The following CNTN5 variants were observed in gnomAD, a reference collection of about 807,000 sequenced individuals.
The protein encoded by CNTN5 is contactin 5.
A neutral mutation model predicts 129.1 loss-of-function variants in CNTN5; 77 were observed. The observed-to-expected ratio is 0.60, with a 90% CI of 0.50 to 0.72. The LOEUF (loss-of-function observed/expected upper bound fraction) is 0.72, where lower values mean the gene tolerates loss of function less well. Among genes scored for constraint, CNTN5 ranks in the 30% least tolerant of loss-of-function variants. The probability of loss-of-function intolerance (pLI) is 0.00; values close to 1 mark genes in which losing one functional copy is unlikely to be tolerated. For synonymous variants in CNTN5, 509 were observed against 465.6 expected, an observed-to-expected ratio of 1.09 and a Z score of -1.20; for missense variants, 1,478 against 1,328.8, an observed-to-expected ratio of 1.11 and a Z score of -1.75.
intron 8 of CNTN5, 68 bp downstream of exon 8, chr11:99,957,077 TG>T: frequency 8.2e-6 from 11 of 1,344,848 alleles, no homozygotes; most frequent in Non-Finnish European, 5.1e-6. Flanking sequence ...TATTAGTGTG[TG>T]TTTTTTTTTT....
At chr11:99,721,946 C>T (rs781562964) in intron 3 of CNTN5, among the ~76,000 whole-genome samples, 9 of 152,108 alleles carry the variant, frequency 5.9e-5, no homozygotes, top group African/African-American at 9.7e-5. Flanking sequence ...TAGCATCTCG[C>T]ACCTGTCAGA....
intron 1 of CNTN5, among the ~76,000 whole-genome samples, chr11:99,227,386 T>G (rs1860749536): frequency 6.6e-6 from 1 of 151,126 alleles, no homozygotes; most frequent in Non-Finnish European, 1.5e-5. Flanking sequence ...AGAAAAATTA[T>G]GATAAGCCTA....
intron 9 of CNTN5, among the ~76,000 whole-genome samples, chr11:100,012,861 T>C (rs1262038924): frequency 6.6e-6 from 1 of 152,164 alleles, no homozygotes; most frequent in Non-Finnish European, 1.5e-5. Context: ...AGATTTTTAC[T>C]TGGATTAGTT....
chr11:99,304,118 C>T (rs113155696), intron 1 of CNTN5, among the ~76,000 whole-genome samples: 44 of 152,186 alleles, frequency 2.9e-4, no homozygotes, highest in African/African-American at 8.2e-4. Flanking sequence ...GAATAAATGA[C>T]GAGAGCAAAG....
intron 13 of CNTN5, among the ~76,000 whole-genome samples, chr11:100,087,079 A>G (rs78295714): frequency 0.029 from 4,375 of 151,828 alleles, 137 homozygotes; most frequent in African/African-American, 0.072. Context: ...AAATATTGAT[A>G]CTTTCAGAGG....
intron 13 of CNTN5, among the ~76,000 whole-genome samples, chr11:100,081,525 C>G (rs926675350): frequency 6.6e-6 from 1 of 152,110 alleles, no homozygotes; most frequent in African/African-American, 2.4e-5. Context: ...TGTCCGTATT[C>G]CACCCCATCT....
intron 9 of CNTN5, among the ~76,000 whole-genome samples, chr11:100,016,256 T>G (rs2137543062): frequency 6.6e-6 from 1 of 152,228 alleles, no homozygotes; most frequent in African/African-American, 2.4e-5. Context: ...AAGGCTGTTA[T>G]CTGAATTACA....
intron 17 of CNTN5, among the ~76,000 whole-genome samples, chr11:100,270,121 G>T (rs956898750): frequency 1.3e-5 from 2 of 152,040 alleles, no homozygotes; most frequent in Non-Finnish European, 2.9e-5. Flanking sequence ...CATCAGCCCT[G>T]CAGTGCTGTG....
intron 8 of CNTN5, among the ~76,000 whole-genome samples, chr11:99,970,395 A>G (rs1315147769): frequency 1.3e-5 from 2 of 152,210 alleles, no homozygotes; most frequent in African/African-American, 2.4e-5. Flanking sequence ...ACTACAATCT[A>G]TTTGCCTAAT....
chr11:99,658,182 G>A (rs576720742), intron 3 of CNTN5, among the ~76,000 whole-genome samples: 4 of 152,134 alleles, frequency 2.6e-5, no homozygotes, highest in Non-Finnish European at 4.4e-5. Flanking sequence ...GTTGCAACAA[G>A]TAATCTGAAA....
In CNTN5 at chr11:100,191,163, A is replaced by C. The variant is rs1412875568; in HGVS notation, c.1618A>C (p.Asn540His). The C allele has an allele frequency of 1.2e-6, 2 of 1,610,662 alleles. No individual in the cohort carries two copies. The highest frequency in any genetic ancestry group is 1.7e-6 in the Non-Finnish European group (2 of 1,177,602). The change falls in exon 14 of 25, where the codon AAT becomes CAT. Residue 540 changes from asparagine (N) to histidine (H), a missense_variant. Physicochemically the swap from Asn to His is moderately conservative, Grantham distance 68. Coordinates refer to ENST00000524871, the MANE Select transcript of CNTN5 (RefSeq NM_014361.4). ...ILPDGSLRIL[N>H]ASKSDEGKYV... The stretch of plus-strand genomic sequence containing the variant: ...TCCAGACGGGAGTCTACGGATCCTA[A>C]ATGCTTCCAAATCAGACGAGGGAAA...
At chr11:99,467,148 GT>G (rs1171381852) in intron 2 of CNTN5, among the ~76,000 whole-genome samples, 2 of 151,922 alleles carry the variant, frequency 1.3e-5, no homozygotes, top group East Asian at 1.9e-4. Context: ...GAGACACAGT[GT>G]TTTTTTATGT....
chr11:100,307,743 C>T (rs1271058161), intron 20 of CNTN5, among the ~76,000 whole-genome samples: 2 of 151,340 alleles, frequency 1.3e-5, no homozygotes, highest in African/African-American at 4.8e-5. Flanking sequence ...AATTTAGATA[C>T]ACAGAATAAA....
chr11:99,741,660 A>G (rs75781453), intron 3 of CNTN5, among the ~76,000 whole-genome samples: 3,684 of 152,242 alleles, frequency 0.024, 131 homozygotes, highest in African/African-American at 0.082. Context: ...TAACCCAGAC[A>G]GGAGATTTCA....
chr11:100,065,651 C>T (rs1943666486), intron 10 of CNTN5, among the ~76,000 whole-genome samples: 1 of 151,974 alleles, frequency 6.6e-6, no homozygotes, highest in Non-Finnish European at 1.5e-5. Context: ...CTGGCAGTGA[C>T]ACCAGGATTC....
chr11:100,072,032 G>GT (rs1409936837), intron 12 of CNTN5, among the ~76,000 whole-genome samples, 198 bp downstream of exon 12: 4 of 151,760 alleles, frequency 2.6e-5, no homozygotes, highest in African/African-American at 9.7e-5. Flanking sequence ...ATAACTTTTT[G>GT]TTCATATAGT....
chr11:99,315,745 G>C (rs1419427662), intron 1 of CNTN5, among the ~76,000 whole-genome samples: 1 of 149,152 alleles, frequency 6.7e-6, no homozygotes, highest in African/African-American at 2.4e-5. Flanking sequence ...AAATCGCGGA[G>C]TGGGCCATGG....
At position 100,106,351 on chromosome 11, in the gene CNTN5, A is replaced by T. The variant is rs149556768; in HGVS notation, c.1580+32057A>T. On this transcript the variant is annotated intron_variant, in intron 13 of 24. Transcript: ENST00000524871. ...CTAGCTGGATATCCAGGAATAAAAG[A>T]AGAGAGGTCAGCTAAGCAGATAGCT... Among the ~76,000 whole-genome samples, 311 of 152,322 alleles carry T rather than the reference A, an allele frequency of 2.0e-3. 1 individual carries two copies. The highest frequency in any genetic ancestry group is 7.2e-3 in the African/African-American group (299 of 41,590).
At chr11:99,923,388 G>C (rs955532471) in intron 7 of CNTN5, among the ~76,000 whole-genome samples, 5 of 152,098 alleles carry the variant, frequency 3.3e-5, no homozygotes, top group African/African-American at 4.8e-5. Flanking sequence ...GTAAAGGAAG[G>C]CTTTGTGAAA....
Sources: allele counts gnomAD v4.1 joint callset (sites outside exome capture counted in the v4.1 genomes callset), GRCh38; gene constraint gnomAD v4.1.1; transcripts MANE v1.5; gene names NCBI Gene and HGNC (gene_info 2026-07-23, HGNC 2026-07-21).